The following APOBEC3F variants were observed in gnomAD, a reference collection of about 807,000 sequenced individuals.
APOBEC3F encodes the protein apolipoprotein B mRNA editing enzyme catalytic subunit 3F.
APOBEC3F carries 34 observed loss-of-function variants against 45.8 expected under a neutral mutation model. The observed-to-expected ratio is 0.74, with a 90% CI of 0.57 to 0.99. The LOEUF is 0.99. APOBEC3F is among the 50% of genes least tolerant of loss of function. The probability of loss-of-function intolerance (pLI) is 0.00; values close to 1 mark genes in which losing one functional copy is unlikely to be tolerated. For synonymous variants in APOBEC3F, 192 were observed against 174.4 expected, an observed-to-expected ratio of 1.10 and a Z score of -0.80; for missense variants, 459 against 474.1, an observed-to-expected ratio of 0.97 and a Z score of 0.30.
At chr22:39,041,896 A>G (rs138847423) in intron 1 of APOBEC3F, among the ~76,000 whole-genome samples, 2 of 152,120 alleles carry the variant, frequency 1.3e-5, no homozygotes, top group African/African-American at 2.4e-5. Context: ...AAAACATGGA[A>G]TATATGGGAA....
rs2076101 is a variant in APOBEC3F, at chr22:39,049,549, G to A, written c.691G>A (p.Val231Ile). ...GGAAGTTGTAAAGCACCACTCACCT[G>A]TCTCCTGGAAGAGGGGCGTCTTCCG... is the stretch of plus-strand genomic sequence containing the variant. ...TMEVVKHHSP[V>I]SWKRGVFRNQ... Residue 231 changes from valine (V) to isoleucine (I), a missense_variant, in exon 5 of 7, where the codon GTC becomes ATC. Physicochemically the swap from Val to Ile is conservative, Grantham distance 29. Coordinates refer to ENST00000308521, the MANE Select transcript of APOBEC3F (RefSeq NM_145298.6). 0.52 allele frequency: 834,389 copies of A among 1,613,516 alleles called. 222,450 individuals carry two copies. The highest frequency in any genetic ancestry group is 0.71 in the East Asian group (31,782 of 44,860).
Position 39,054,804 on chromosome 22 carries a change from G to T in APOBEC3F, c.*2109G>T, listed in dbSNP as rs1475238793. Among the ~76,000 whole-genome samples the T allele has an allele frequency of 6.6e-6, 1 of 152,202 alleles. No individual in the cohort carries two copies. Among genetic ancestry groups the T allele is most frequent in the Non-Finnish European group, 1.5e-5 (1 of 68,038 alleles). On this transcript the variant is annotated 3_prime_UTR_variant, in exon 7 of 7. Coordinates refer to ENST00000308521, the MANE Select transcript of APOBEC3F (RefSeq NM_145298.6). ...TTCTAGGCAGATATAAGTTATTAGA[G>T]AATGAGATTCTCTATAAAAATGATC...
At position 39,052,619 on chromosome 22, in the gene APOBEC3F, A is replaced by C; in HGVS notation, c.1046A>C (p.Glu349Ala). 1 of 1,613,968 alleles carries C rather than the reference A, an allele frequency of 6.2e-7. No homozygotes were observed. The highest frequency in any genetic ancestry group is 8.5e-7 in the Non-Finnish European group (1 of 1,179,952). The change falls in exon 7 of 7, where the codon GAG (glutamate) becomes GCG (alanine). Residue 349 changes from glutamate to alanine, a missense_variant. Transcript: ENST00000308521. Reference sequence around the variant, plus strand: ...GAAAACTTTGTGTACAATGATGATGAGCCATTCAAGCCTTGGAAAGGACTA... The same window carrying C: ...GAAAACTTTGTGTACAATGATGATGCGCCATTCAAGCCTTGGAAAGGACTA... ...CWENFVYNDD[E>A]PFKPWKGLKY...
rs1927663275 is a variant in APOBEC3F at position 39,055,593 on chromosome 22, T to C, written c.*2898T>C. Reference sequence around the variant, plus strand: ...CTGAGGAAGGAGACCACCTCTCTCATTGTCTCCTATTTCAGAAGGAAGCAA... The same window carrying C: ...CTGAGGAAGGAGACCACCTCTCTCACTGTCTCCTATTTCAGAAGGAAGCAA... On this transcript the variant is annotated 3_prime_UTR_variant, in exon 7 of 7. Coordinates refer to ENST00000308521, the MANE Select transcript of APOBEC3F (RefSeq NM_145298.6). 6.6e-6 allele frequency among the ~76,000 whole-genome samples: 1 copy of C among 152,162 alleles called. No individual in the cohort carries two copies. The highest frequency in any genetic ancestry group is 1.5e-5 in the Non-Finnish European group (1 of 68,022).
intron 4 of APOBEC3F, 28 bp from the exon 5 acceptor site, chr22:39,049,397 C>A: frequency 6.2e-7 from 1 of 1,611,494 alleles, no homozygotes; most frequent in Non-Finnish European, 8.5e-7. Context: ...GGGGTCTCTG[C>A]ATTGGGGTTT....
intron 4 of APOBEC3F, 135 bp from the exon 5 acceptor site, chr22:39,049,288 CTT>C (rs1397922252): frequency 9.0e-6 from 10 of 1,116,294 alleles, no homozygotes; most frequent in African/African-American, 6.2e-5. Flanking sequence ...ATCCCCTCCT[CTT>C]TCTCTCTCCC....
chr22:39,051,920 AC>A (rs1445427150), intron 5 of APOBEC3F, among the ~76,000 whole-genome samples, 153 bp from the exon 6 acceptor site: 3 of 152,090 alleles, frequency 2.0e-5, no homozygotes. Flanking sequence ...GCACCACTGC[AC>A]CCCAGCCTGG....
chr22:39,045,291 C>T, intron 3 of APOBEC3F, 71 bp downstream of exon 3: 1 of 1,593,522 alleles, frequency 6.3e-7, no homozygotes, highest in South Asian at 1.2e-5. Flanking sequence ...TCTGCAATGC[C>T]ATGGCTGGGG....
intron 5 of APOBEC3F, 106 bp downstream of exon 5, chr22:39,049,687 C>T: frequency 1.6e-6 from 2 of 1,279,518 alleles, no homozygotes; most frequent in Non-Finnish European, 2.1e-6. Flanking sequence ...TGTGTACTTT[C>T]CTCTTACATT....
In APOBEC3F at chr22:39,055,666, G is replaced by A. The variant is rs1403176168; in HGVS notation, c.*2971G>A. 5.3e-5 allele frequency among the ~76,000 whole-genome samples: 8 copies of A among 152,140 alleles called. No homozygotes were observed. The highest frequency in any genetic ancestry group is 9.7e-5 in the African/African-American group (4 of 41,424). On this transcript the variant is annotated 3_prime_UTR_variant, in exon 7 of 7. Transcript: ENST00000308521. ...AAGATCAATGGCCAGACTGTTTGGCGCTGCTACCTGGGCCTGGTAGTTAAA... is the reference window on the plus strand; with the variant it reads ...AAGATCAATGGCCAGACTGTTTGGCACTGCTACCTGGGCCTGGTAGTTAAA...
intron 4 of APOBEC3F, among the ~76,000 whole-genome samples, chr22:39,048,818 T>A (rs1927341908): frequency 6.7e-6 from 1 of 148,284 alleles, no homozygotes; most frequent in African/African-American, 2.5e-5. Flanking sequence ...AATAAATAAA[T>A]AAATAAAAGT....
rs1601506155 is a variant in APOBEC3F at position 39,054,702 on chromosome 22, AAATTAC to A, written c.*2012_*2017del. On this transcript the variant is annotated 3_prime_UTR_variant, in exon 7 of 7. Transcript: ENST00000308521. ...ACCACCCGGACTGCGTGTATGTCCC[AAATTAC>A]AATTCTTTCTTTGCAAATGAAATGT... Among the ~76,000 whole-genome samples the A allele has an allele frequency of 6.6e-6, 1 of 152,254 alleles. No homozygotes were observed. The highest frequency in any genetic ancestry group is 1.9e-4 in the East Asian group (1 of 5,206).
chr22:39,047,039 C>T (rs1410940163), intron 4 of APOBEC3F, among the ~76,000 whole-genome samples: 1 of 152,110 alleles, frequency 6.6e-6, no homozygotes, highest in East Asian at 1.9e-4. Context: ...ACACCAGCCT[C>T]CACCCTTCTG....
rs1927174032 is a variant in APOBEC3F at position 39,045,543 on chromosome 22, G to T, written c.566+1G>T. 1.9e-6 allele frequency: 3 copies of T among 1,613,924 alleles called. No homozygotes were observed. Among genetic ancestry groups the T allele is most frequent in the Admixed American group, 1.7e-5 (1 of 59,994 alleles). Reference sequence around the variant, plus strand: ...ACCGCACGCTAAAGGAGATTCTCAGGTGAGGGTCTCCCTCTGGCCTCATCG... The same window carrying T: ...ACCGCACGCTAAAGGAGATTCTCAGTTGAGGGTCTCCCTCTGGCCTCATCG... On this transcript the variant is annotated splice_donor_variant, in intron 4 of 6. Transcript: ENST00000308521. LOFTEE classifies it high-confidence loss of function.
In APOBEC3F at chr22:39,052,466, G is replaced by A. The variant is rs1927542204; in HGVS notation, c.1004-111G>A. On this transcript the variant is annotated intron_variant, in intron 6 of 6. Transcript: ENST00000308521. ...GTCCCGGGAAGCCTGCAGGGATGGC[G>A]CCAGTGTCCACTGCAACTGGCAGTC... 17 of 1,571,354 alleles carry A rather than the reference G, an allele frequency of 1.1e-5. No individual in the cohort carries two copies. The Admixed American group carries it at 1.4e-4, about 13-fold the overall frequency.
intron 1 of APOBEC3F, among the ~76,000 whole-genome samples, chr22:39,041,822 A>G (rs990328180): frequency 1.3e-5 from 2 of 152,138 alleles, no homozygotes; most frequent in African/African-American, 2.4e-5. Context: ...AGATCGCCCC[A>G]TCGCACTCCA....
chr22:39,052,802 C>A lies in APOBEC3F; in HGVS notation c.*107C>A. 2.0e-6 allele frequency: 3 copies of A among 1,511,536 alleles called. No individual in the cohort carries two copies. Among genetic ancestry groups the A allele is most frequent in the Admixed American group, 2.3e-5 (1 of 44,384 alleles). 93.6% of individuals were successfully genotyped at this position (1,511,536 alleles called of 1,614,324 possible). A position where few individuals can be genotyped will look rare whatever the true frequency, so the allele number is the denominator to read the frequency against. ...TGTGCTTTTGCCTGGTCATCCTGAG[C>A]CCCTCCTGGCCTCAGGGCCATTCCA... On this transcript the variant is annotated 3_prime_UTR_variant, in exon 7 of 7. Coordinates refer to ENST00000308521, the MANE Select transcript of APOBEC3F (RefSeq NM_145298.6).
chr22:39,044,497 G>C (rs1336779615), intron 2 of APOBEC3F: 1 of 879,320 alleles, frequency 1.1e-6, no homozygotes, highest in Admixed American at 3.6e-5. Context: ...CAGTCACGTG[G>C]GGGTAAAGGT....
In APOBEC3F at chr22:39,055,384, T is replaced by G. The variant is rs1179648514; in HGVS notation, c.*2689T>G. On this transcript the variant is annotated 3_prime_UTR_variant, in exon 7 of 7. Transcript: ENST00000308521. Reference sequence around the variant, plus strand: ...ACCATACACAACTTTTTTTTTTTTTTGAGATGGAGTTTCACTCTGTTGCCC... The same window carrying G: ...ACCATACACAACTTTTTTTTTTTTTGGAGATGGAGTTTCACTCTGTTGCCC... Among the ~76,000 whole-genome samples, 1 of 145,320 alleles carries G rather than the reference T, an allele frequency of 6.9e-6. No homozygotes were observed. The highest frequency in any genetic ancestry group is 2.6e-5 in the African/African-American group (1 of 37,770).
Sources: gnomAD v4.1 joint callset for allele counts (sites outside exome capture counted in the v4.1 genomes callset) on GRCh38, gnomAD v4.1.1 for gene constraint, MANE v1.5 for transcripts, NCBI Gene and HGNC (gene_info 2026-07-23, HGNC 2026-07-21) for gene names.